Variants in ME1 observed in about 807,000 individuals in gnomAD.
The protein encoded by ME1 is NADP-dependent malic enzyme.
In ME1, 74 loss-of-function variants were observed where a neutral mutation model predicts 66.4. The observed-to-expected ratio is 1.11, with a 90% CI of 0.92 to 1.35. The LOEUF is 1.35. Ranked by LOEUF, ME1 falls within the 40% of genes most tolerant of loss-of-function variation. ME1 has a pLI of 0.00. For missense variants in ME1, 750 were observed against 694.1 expected (o/e 1.08, Z -0.90); for synonymous variants, 251 against 235.6 (o/e 1.07, Z -0.60).
chr6:83,396,725 A>T (rs977855904), intron 3 of ME1, among the ~76,000 whole-genome samples: 3 of 152,172 alleles, frequency 2.0e-5, no homozygotes, highest in Admixed American at 2.0e-4. Flanking sequence ...TTCAAAATAT[A>T]CTGTTAAGTT....
intron 6 of ME1, among the ~76,000 whole-genome samples, chr6:83,286,553 CAAT>C (rs1767400050): frequency 6.6e-6 from 1 of 151,956 alleles, no homozygotes; most frequent in Admixed American, 6.6e-5. Flanking sequence ...TATTGAGAAA[CAAT>C]GAGTTCAAAT....
intron 7 of ME1, among the ~76,000 whole-genome samples, chr6:83,252,180 G>A (rs552342322): frequency 2.0e-4 from 30 of 152,314 alleles, no homozygotes; most frequent in African/African-American, 6.7e-4. Flanking sequence ...AGAAGGTCAG[G>A]TTTGGTGGGG....
chr6:83,259,765 G>A (rs1438516935), intron 6 of ME1, among the ~76,000 whole-genome samples: 1 of 151,962 alleles, frequency 6.6e-6, no homozygotes, highest in Non-Finnish European at 1.5e-5. Context: ...ATATTATTTT[G>A]TAACATTTAG....
chr6:83,330,616 C>T (rs989714888), intron 5 of ME1, among the ~76,000 whole-genome samples: 1 of 152,134 alleles, frequency 6.6e-6, no homozygotes, highest in African/African-American at 2.4e-5. Context: ...CTACTTCCTA[C>T]TAGGTTTCTG....
chr6:83,277,835 G>A (rs1767213432), intron 6 of ME1, among the ~76,000 whole-genome samples: 1 of 151,858 alleles, frequency 6.6e-6, no homozygotes, highest in African/African-American at 2.4e-5. Flanking sequence ...CTGGGAGGTA[G>A]AGGTTGCAGT....
chr6:83,389,045 G>A (rs772461960), intron 3 of ME1, among the ~76,000 whole-genome samples: 21 of 152,088 alleles, frequency 1.4e-4, no homozygotes, highest in Non-Finnish European at 2.6e-4. Flanking sequence ...CTTGAATCCG[G>A]GAGACAGAGG....
At position 83,430,878 on chromosome 6, in the gene ME1, T is replaced by C. The variant is rs1376238944; in HGVS notation, c.77A>G (p.Lys26Arg). The change falls in exon 1 of 14, where the codon AAG (lysine) becomes AGG (arginine). Residue 26 changes from lysine (K) to arginine (R), a missense_variant and splice_region_variant. Physicochemically the swap from Lys to Arg is conservative, Grantham distance 26. Transcript: ENST00000369705. ...GGCCAGGTGGGCCTGCGGGTTTACC[T>C]TGTTGAGGTGAGGGTTCCGTGTCAG... ...YLLTRNPHLN[K>R]DLAFTLEERQ... is the part of the protein sequence containing the mutation. 1 of 1,600,604 alleles carries C rather than the reference T, an allele frequency of 6.2e-7. No individual in the cohort carries two copies. The highest frequency in any genetic ancestry group is 1.7e-5 in the Admixed American group (1 of 58,892).
At chr6:83,355,223 G>A (rs1280210521) in intron 3 of ME1, among the ~76,000 whole-genome samples, 1 of 152,090 alleles carries the variant, frequency 6.6e-6, no homozygotes, top group Non-Finnish European at 1.5e-5. Context: ...CACTTTTGTT[G>A]AATTACTAAG....
In ME1 at chr6:83,315,371, T is replaced by C; in HGVS notation, c.643A>G (p.Arg215Gly). Residue 215 changes from arginine (R) to glycine (G), a missense_variant, in exon 6 of 14, where the codon AGA becomes GGA. Transcript: ENST00000369705. ...DPLYIGLRQR[R>G]VRGSEYDDFL... ...TCATCATATTCAGAACCTCTTACTC[T>C]TCTCTGCCGTAGTCCAATGTAGAGT... is the stretch of plus-strand genomic sequence containing the variant. 6.2e-7 allele frequency: 1 copy of C among 1,612,308 alleles called. No homozygotes were observed. The highest frequency in any genetic ancestry group is 8.5e-7 in the Non-Finnish European group (1 of 1,179,064).
chr6:83,328,834 T>C (rs1256112625), intron 5 of ME1, among the ~76,000 whole-genome samples: 1 of 151,782 alleles, frequency 6.6e-6, no homozygotes, highest in Non-Finnish European at 1.5e-5. Context: ...TGAAGACTTA[T>C]GAAAATTTAC....
At chr6:83,366,268 G>T (rs1769099016) in intron 3 of ME1, among the ~76,000 whole-genome samples, 1 of 152,110 alleles carries the variant, frequency 6.6e-6, no homozygotes, top group South Asian at 2.1e-4. Flanking sequence ...GCTCCTAATT[G>T]CTTACCAGAG....
chr6:83,252,133 G>A (rs1040007256), intron 7 of ME1, among the ~76,000 whole-genome samples: 1 of 152,188 alleles, frequency 6.6e-6, no homozygotes, highest in Non-Finnish European at 1.5e-5. Flanking sequence ...GCTGAAGAGG[G>A]AGCTATCAGC....
chr6:83,315,441 G>T (rs1339640724), intron 5 of ME1, 28 bp from the exon 6 acceptor site: 1 of 1,275,952 alleles, frequency 7.8e-7, no homozygotes, highest in Non-Finnish European at 1.1e-6. Flanking sequence ...CATAAAAATA[G>T]AAATAACTAT....
intron 1 of ME1, among the ~76,000 whole-genome samples, chr6:83,429,854 C>T (rs2127699131): frequency 6.6e-6 from 1 of 152,180 alleles, no homozygotes; most frequent in South Asian, 2.1e-4. Context: ...ACCAAAATAA[C>T]TAAACAAACC....
At chr6:83,355,111 T>G (rs1768864311) in intron 3 of ME1, among the ~76,000 whole-genome samples, 1 of 152,196 alleles carries the variant, frequency 6.6e-6, no homozygotes, top group Non-Finnish European at 1.5e-5. Context: ...AGGTATATAT[T>G]TCTTTTGGAT....
At chr6:83,282,970 T>C (rs1477257101) in intron 6 of ME1, among the ~76,000 whole-genome samples, 3 of 151,692 alleles carry the variant, frequency 2.0e-5, no homozygotes, top group African/African-American at 7.3e-5. Flanking sequence ...GGCTCAAGCC[T>C]GTAATCCCAG....
rs531981971 is a variant in ME1 at position 83,404,226 on chromosome 6, C to T, written c.212+3542G>A. ...AGTGGTGTCAGATGGTATTTCATTG[C>T]GGTTTTGATTTGCATTTCTCTAATG... On this transcript the variant is annotated intron_variant, in intron 2 of 13. Transcript: ENST00000369705. Among the ~76,000 whole-genome samples the T allele has an allele frequency of 2.2e-3, 339 of 151,910 alleles. 2 individuals carry two copies. The highest frequency in any genetic ancestry group is 7.9e-3 in the African/African-American group (327 of 41,436).
chr6:83,305,479 A>C (rs181195534), intron 6 of ME1, among the ~76,000 whole-genome samples: 1 of 152,312 alleles, frequency 6.6e-6, no homozygotes, highest in Non-Finnish European at 1.5e-5. Flanking sequence ...TAATATATGA[A>C]AAAGATTAAG....
rs151251623 is a variant in ME1, at chr6:83,283,885, T to C, written c.705-30147A>G. On this transcript the variant is annotated intron_variant, in intron 6 of 13. Coordinates refer to ENST00000369705, the MANE Select transcript of ME1 (RefSeq NM_002395.6). The stretch of plus-strand genomic sequence containing the variant: ...AGTAGAAGAAAATAAATAACTAAAA[T>C]CAGAGCAAAAGTGAATGAAATTGAG... 5.3e-3 allele frequency among the ~76,000 whole-genome samples: 811 copies of C among 151,998 alleles called. 2 individuals carry two copies. The highest frequency in any genetic ancestry group is 0.034 in the Middle Eastern group (10 of 294).
Sources: allele counts gnomAD v4.1 joint callset (sites outside exome capture counted in the v4.1 genomes callset), GRCh38; gene constraint gnomAD v4.1.1; transcripts MANE v1.5; gene names NCBI Gene and HGNC (gene_info 2026-07-23, HGNC 2026-07-21).